The following TAF3 variants were observed in gnomAD, a reference collection of about 807,000 sequenced individuals.
TAF3 encodes transcription initiation factor TFIID subunit 3.
Under a neutral mutation model 80.6 loss-of-function variants are expected in TAF3, and 7 were observed. That is an observed-to-expected ratio of 0.09 (90% CI 0.05 to 0.16). TAF3 has a LOEUF of 0.16. Among genes scored for constraint, TAF3 ranks in the 10% least tolerant of loss-of-function variants. The pLI is 1.00. For missense variants in TAF3, 921 were observed against 1,140.2 expected (o/e 0.81, Z 2.77); for synonymous variants, 444 against 446.1 (o/e 1.00, Z 0.06).
chr10:7,962,875 C>CT (rs1831523995), intron 2 of TAF3, among the ~76,000 whole-genome samples: 3 of 152,282 alleles, frequency 2.0e-5, no homozygotes, highest in South Asian at 2.1e-4. Flanking sequence ...CTCTTTTAGA[C>CT]TTTATCATTG....
intron 2 of TAF3, among the ~76,000 whole-genome samples, chr10:7,895,320 T>C (rs1837494909): frequency 6.6e-6 from 1 of 152,254 alleles, no homozygotes; most frequent in Admixed American, 6.5e-5. Flanking sequence ...GCTGTATCTG[T>C]ACAGCAATGG....
intron 1 of TAF3, among the ~76,000 whole-genome samples, chr10:7,823,123 C>G (rs1836705924): frequency 6.6e-6 from 1 of 151,926 alleles, no homozygotes; most frequent in Non-Finnish European, 1.5e-5. Context: ...AAAAAACGAA[C>G]AAAAACCAAA....
chr10:7,851,347 G>A (rs1247530381), intron 2 of TAF3, among the ~76,000 whole-genome samples: 1 of 152,200 alleles, frequency 6.6e-6, no homozygotes, highest in Non-Finnish European at 1.5e-5. Flanking sequence ...TTTGGGCACA[G>A]TGTGGAGGTC....
intron 4 of TAF3, among the ~76,000 whole-genome samples, chr10:8,001,582 C>T (rs74848974): frequency 0.015 from 2,317 of 152,236 alleles, 64 homozygotes; most frequent in African/African-American, 0.053. Context: ...ATAAAATTGT[C>T]GTGCAGTCAA....
chr10:7,844,893 C>T (rs1488940970), intron 2 of TAF3, among the ~76,000 whole-genome samples: 1 of 152,012 alleles, frequency 6.6e-6, no homozygotes, highest in African/African-American at 2.4e-5. Flanking sequence ...CTTAGCCAAT[C>T]GCTTATTGTT....
intron 2 of TAF3, among the ~76,000 whole-genome samples, chr10:7,935,456 C>T (rs1317791186): frequency 2.0e-5 from 3 of 151,688 alleles, no homozygotes; most frequent in Non-Finnish European, 4.4e-5. Context: ...TGGTGGCGGG[C>T]GCCTGTAGTC....
intron 2 of TAF3, among the ~76,000 whole-genome samples, chr10:7,873,625 C>CG (rs1554779087): frequency 1.6e-5 from 2 of 126,858 alleles, no homozygotes; most frequent in East Asian, 4.9e-4. Context: ...TCTCCCCCCC[C>CG]CCCCGTCAAA....
chr10:7,874,246 C>G (rs1344804729), intron 2 of TAF3, among the ~76,000 whole-genome samples: 1 of 152,106 alleles, frequency 6.6e-6, no homozygotes, highest in Non-Finnish European at 1.5e-5. Context: ...TTTGGAAATC[C>G]TTAATTGCTC....
intron 2 of TAF3, among the ~76,000 whole-genome samples, chr10:7,956,069 G>A (rs1450174760): frequency 2.0e-5 from 3 of 152,060 alleles, no homozygotes; most frequent in Admixed American, 2.0e-4. Context: ...CTATAATTAG[G>A]TAATTATATT....
At chr10:7,884,511 C>T (rs375101452) in intron 2 of TAF3, among the ~76,000 whole-genome samples, 13 of 151,150 alleles carry the variant, frequency 8.6e-5, no homozygotes, top group South Asian at 2.1e-4. Flanking sequence ...CTCAGCCTCC[C>T]GAGTAGCTAG....
intron 2 of TAF3, among the ~76,000 whole-genome samples, chr10:7,959,581 TAA>T (rs950618744): frequency 3.9e-5 from 6 of 152,162 alleles, no homozygotes; most frequent in Non-Finnish European, 8.8e-5. Flanking sequence ...AGCTTAATGT[TAA>T]GTTTTTTTTA....
intron 1 of TAF3, among the ~76,000 whole-genome samples, chr10:7,819,986 C>A (rs895025164): frequency 1.3e-5 from 2 of 152,112 alleles, no homozygotes; most frequent in African/African-American, 4.8e-5. Flanking sequence ...GGCTAAAAAT[C>A]GAAACTCTTA....
In TAF3 at chr10:8,014,707, A is replaced by G. The variant is rs1240454606; in HGVS notation, c.2746A>G (p.Lys916Glu). The change falls in exon 7 of 7, where the codon AAG becomes GAG. Residue 916 changes from lysine (K) to glutamate (E), a missense_variant. Lys to Glu is a moderately conservative substitution (Grantham distance 56, BLOSUM62 1). Transcript: ENST00000344293. ...QWFCPKCANK[K>E]KDKKHKKRKH... The stretch of plus-strand genomic sequence containing the variant: ...GTTCTGCCCCAAGTGTGCGAACAAG[A>G]AGAAGGACAAAAAGCACAAGAAGAG... The G allele has an allele frequency of 1.2e-6, 2 of 1,610,514 alleles. No homozygotes were observed. Among genetic ancestry groups the G allele is most frequent in the Non-Finnish European group, 1.7e-6 (2 of 1,178,284 alleles).
At chr10:7,936,058 G>T (rs1837916782) in intron 2 of TAF3, among the ~76,000 whole-genome samples, 1 of 152,064 alleles carries the variant, frequency 6.6e-6, no homozygotes, top group African/African-American at 2.4e-5. Flanking sequence ...CGGTGTCCTG[G>T]ACTAGTGTGA....
intron 2 of TAF3, among the ~76,000 whole-genome samples, chr10:7,864,831 T>G (rs1837193717): frequency 6.6e-6 from 1 of 152,220 alleles, no homozygotes; most frequent in Non-Finnish European, 1.5e-5. Context: ...TCTTTTTTTT[T>G]TTCCTTTTTA....
intron 2 of TAF3, among the ~76,000 whole-genome samples, chr10:7,850,177 G>A (rs1837013751): frequency 6.6e-6 from 1 of 152,120 alleles, no homozygotes; most frequent in Non-Finnish European, 1.5e-5. Context: ...TCTTAGTGAT[G>A]TACCTGTGGA....
chr10:7,928,101 G>T lies in TAF3; in HGVS notation c.410-35819G>T, dbSNP rs574147478. Among the ~76,000 whole-genome samples, 216 of 152,188 alleles carry T rather than the reference G, an allele frequency of 1.4e-3. 1 individual carries two copies. The highest frequency in any genetic ancestry group is 5.1e-3 in the African/African-American group (212 of 41,520). The stretch of plus-strand genomic sequence containing the variant: ...CAAAGGATTAAGAGCTCTTCCATTT[G>T]TGCCTATTTTAGATCTATAAGGTGG... On this transcript the variant is annotated intron_variant, in intron 2 of 6. Coordinates refer to ENST00000344293, the MANE Select transcript of TAF3 (RefSeq NM_031923.4).
At chr10:7,997,020 C>T (rs894806298) in intron 4 of TAF3, among the ~76,000 whole-genome samples, 1 of 152,002 alleles carries the variant, frequency 6.6e-6, no homozygotes, top group African/African-American at 2.4e-5. Context: ...TAAAATACAA[C>T]ATGGGAATCT....
At chr10:7,932,331 G>A (rs1407398545) in intron 2 of TAF3, among the ~76,000 whole-genome samples, 8 of 152,194 alleles carry the variant, frequency 5.3e-5, no homozygotes, top group African/African-American at 9.7e-5. Flanking sequence ...AATACTGTGT[G>A]TACAGTCCAC....
Sources: gnomAD v4.1 joint callset for allele counts (sites outside exome capture counted in the v4.1 genomes callset) on GRCh38, gnomAD v4.1.1 for gene constraint, MANE v1.5 for transcripts, NCBI Gene and HGNC (gene_info 2026-07-23, HGNC 2026-07-21) for gene names.